The following TULP3 variants were observed in gnomAD, a reference collection of about 807,000 sequenced individuals.
The protein encoded by TULP3 is TUB like protein 3.
TULP3 carries 38 observed loss-of-function variants against 50.7 expected under a neutral mutation model. That is an observed-to-expected ratio of 0.75 (90% CI 0.58 to 0.98). TULP3 has a LOEUF of 0.98. TULP3 is among the 50% of genes least tolerant of loss of function. The pLI, the probability that TULP3 is intolerant of heterozygous loss-of-function variation, is 0.00. For synonymous variants in TULP3, 183 were observed against 196.6 expected (o/e 0.93, Z 0.58); for missense variants, 550 against 568.0 (o/e 0.97, Z 0.32).
chr12:2,933,556 C>A (rs763275585), intron 7 of TULP3, 26 bp downstream of exon 7: 1 of 1,417,460 alleles, frequency 7.1e-7, no homozygotes. Flanking sequence ...GATCACTGTC[C>A]TATTCTTTCT....
chr12:2,940,091 T>G lies in TULP3; in HGVS notation c.*647T>G. The G allele has an allele frequency of 7.8e-7, 1 of 1,289,682 alleles. No individual in the cohort carries two copies. The highest frequency in any genetic ancestry group is 1.0e-6 in the Non-Finnish European group (1 of 989,094). The allele number at this position is 1,289,682 out of a possible 1,614,324, so 79.9% of individuals were successfully genotyped here. ...ATTTGTGATCAATTATGTGAGAATT[T>G]TATATAATTGTCTTCATTTCAATTA... is the stretch of plus-strand genomic sequence containing the variant. On this transcript the variant is annotated 3_prime_UTR_variant, in exon 11 of 11. Transcript: ENST00000448120.
intron 3 of TULP3, among the ~76,000 whole-genome samples, chr12:2,921,570 C>T (rs949715642): frequency 6.6e-6 from 1 of 152,096 alleles, no homozygotes; most frequent in African/African-American, 2.4e-5. Context: ...ATTCTTCCAA[C>T]AGATAGTTGA....
intron 1 of TULP3, among the ~76,000 whole-genome samples, chr12:2,902,298 C>T (rs1167354761): frequency 6.6e-6 from 1 of 152,182 alleles, no homozygotes; most frequent in Non-Finnish European, 1.5e-5. Flanking sequence ...TGAAGCAATA[C>T]TGTAGTCAGT....
intron 1 of TULP3, among the ~76,000 whole-genome samples, chr12:2,897,812 C>T (rs963013669): frequency 6.7e-6 from 1 of 149,302 alleles, no homozygotes; most frequent in Non-Finnish European, 1.5e-5. Context: ...AGTGCGGTGG[C>T]TCATGCCTGT....
At position 2,933,991 on chromosome 12, in the gene TULP3, A is replaced by G. The variant is rs538198432; in HGVS notation, c.810-456A>G. On this transcript the variant is annotated intron_variant, in intron 7 of 10. Coordinates refer to ENST00000448120, the MANE Select transcript of TULP3 (RefSeq NM_003324.5). ...AAGGCTGGTGTGGTGGCTCAGGCCT[A>G]TAATCCCAGCATTTGGGGAGGCTGA... Among the ~76,000 whole-genome samples, 28 of 152,240 alleles carry G rather than the reference A, an allele frequency of 1.8e-4. No individual in the cohort carries two copies. The South Asian group carries it at 5.0e-3, about 27-fold the overall frequency.
At chr12:2,909,504 G>A (rs762798343) in intron 1 of TULP3, 25 bp from the exon 2 acceptor site, 33 of 1,519,580 alleles carry the variant, frequency 2.2e-5, no homozygotes, top group Non-Finnish European at 2.7e-5. Context: ...TTATATACTT[G>A]CTTTATTTTT....
chr12:2,920,697 C>T lies in TULP3; in HGVS notation c.94-66C>T, dbSNP rs10128815. On this transcript the variant is annotated intron_variant, in intron 2 of 10. Coordinates refer to ENST00000448120, the MANE Select transcript of TULP3 (RefSeq NM_003324.5). ...GAGGATCAGTGAAAAACAAACTGGG[C>T]ATGTTGGAAATGGTTAGGTCATGTC... is the stretch of plus-strand genomic sequence containing the variant. 6,881 of 1,560,944 alleles carry T rather than the reference C, an allele frequency of 4.4e-3. 187 individuals are homozygous for T. The African/African-American group carries it at 0.064, about 15-fold the overall frequency.
rs139610827 is a variant in TULP3 at position 2,927,272 on chromosome 12, G to A, written c.395-2976G>A. On this transcript the variant is annotated intron_variant, in intron 4 of 10. Coordinates refer to ENST00000448120, the MANE Select transcript of TULP3 (RefSeq NM_003324.5). The stretch of plus-strand genomic sequence containing the variant: ...AACCACATTTTGTTGATCAGCTGAT[G>A]GACGTTTGATTGTTCCCACTTTCCC... 2.0e-3 allele frequency among the ~76,000 whole-genome samples: 297 copies of A among 151,684 alleles called. 3 individuals are homozygous for A. The highest frequency in any genetic ancestry group is 7.0e-3 in the African/African-American group (291 of 41,322).
chr12:2,939,996 C>T lies in TULP3; in HGVS notation c.*552C>T. The T allele has an allele frequency of 7.8e-7, 1 of 1,283,030 alleles. No individual in the cohort carries two copies. Among genetic ancestry groups the T allele is most frequent in the Non-Finnish European group, 1.0e-6 (1 of 983,424 alleles). 79.5% of individuals were successfully genotyped at this position (1,283,030 alleles called of 1,614,324 possible). ...AGAATCAGGGACTGACATCGCAGTT[C>T]CTCTCCTCTCTTCATTCCCTCACAG... On this transcript the variant is annotated 3_prime_UTR_variant, in exon 11 of 11. Coordinates refer to ENST00000448120, the MANE Select transcript of TULP3 (RefSeq NM_003324.5). This position sits in a 1 kb window ranked among gnomAD's most constrained non-coding sequence, Gnocchi z 4.0.
intron 1 of TULP3, among the ~76,000 whole-genome samples, chr12:2,908,802 T>C (rs1478717289): frequency 6.6e-6 from 1 of 152,138 alleles, no homozygotes; most frequent in Non-Finnish European, 1.5e-5. Context: ...TTTTTTTCCT[T>C]CTTCAAGCAA....
At chr12:2,929,752 G>A (rs1439883197) in intron 4 of TULP3, among the ~76,000 whole-genome samples, 1 of 151,804 alleles carries the variant, frequency 6.6e-6, no homozygotes, top group Non-Finnish European at 1.5e-5. Flanking sequence ...CACCACACCC[G>A]GCTAATTTTT....
intron 2 of TULP3, among the ~76,000 whole-genome samples, chr12:2,915,387 A>G (rs147038733): frequency 1.3e-5 from 2 of 152,340 alleles, no homozygotes; most frequent in East Asian, 3.9e-4. Context: ...ATTAAAGTAC[A>G]ACATAGTTCC....
chr12:2,940,595 T>C lies in TULP3; in HGVS notation c.*1151T>C. 1.3e-6 allele frequency: 2 copies of C among 1,551,738 alleles called. No individual in the cohort carries two copies. Among genetic ancestry groups the C allele is most frequent in the South Asian group, 2.4e-5 (2 of 84,060 alleles). On this transcript the variant is annotated 3_prime_UTR_variant, in exon 11 of 11. Coordinates refer to ENST00000448120, the MANE Select transcript of TULP3 (RefSeq NM_003324.5). The stretch of plus-strand genomic sequence containing the variant: ...CCACCGTCAGCACCATTCAGCTGCA[T>C]CCCTTGTGCACAGAACTGTTTGCCA...
chr12:2,911,752 TA>T (rs1449903150), intron 2 of TULP3, among the ~76,000 whole-genome samples: 1 of 139,116 alleles, frequency 7.2e-6, no homozygotes, highest in African/African-American at 2.7e-5. Context: ...GAGTTTTTTT[TA>T]CATGCCTAGG....
At chr12:2,906,223 G>T (rs2098182134) in intron 1 of TULP3, among the ~76,000 whole-genome samples, 1 of 150,890 alleles carries the variant, frequency 6.6e-6, no homozygotes, top group African/African-American at 2.4e-5. Context: ...GTACAGATGG[G>T]GTTTCACCAT....
chr12:2,933,343 T>C (rs2098199277), intron 6 of TULP3, 75 bp from the exon 7 acceptor site: 1 of 879,990 alleles, frequency 1.1e-6, no homozygotes, highest in Non-Finnish European at 1.9e-6. Flanking sequence ...TGAATGAATA[T>C]GTAGGACAAC....
chr12:2,936,065 G>A (rs995878939), intron 8 of TULP3, among the ~76,000 whole-genome samples: 2 of 151,972 alleles, frequency 1.3e-5, no homozygotes, highest in African/African-American at 4.8e-5. Context: ...TCAGGAGGTG[G>A]AGACCAGCCT....
intron 8 of TULP3, among the ~76,000 whole-genome samples, chr12:2,936,278 A>G (rs2098201218): frequency 6.6e-6 from 1 of 152,076 alleles, no homozygotes; most frequent in Non-Finnish European, 1.5e-5. Flanking sequence ...TCAAAATAAA[A>G]TAAGAATAAT....
intron 1 of TULP3, among the ~76,000 whole-genome samples, chr12:2,902,997 G>A (rs2098180098): frequency 6.6e-6 from 1 of 151,800 alleles, no homozygotes; most frequent in Non-Finnish European, 1.5e-5. Flanking sequence ...GAGTAGCTGG[G>A]ACTACAGGCA....
Sources: allele counts gnomAD v4.1 joint callset (sites outside exome capture counted in the v4.1 genomes callset), GRCh38; gene constraint gnomAD v4.1.1; non-coding constraint Gnocchi (gnomAD v3.1); transcripts MANE v1.5; gene names NCBI Gene and HGNC (gene_info 2026-07-23, HGNC 2026-07-21).